Variants in PCCA observed in about 807,000 individuals in gnomAD.
PCCA encodes propionyl-CoA carboxylase alpha chain, mitochondrial.
PCCA carries 74 observed loss-of-function variants against 101.3 expected under a neutral mutation model. That is an observed-to-expected ratio of 0.73 (90% CI 0.61 to 0.89). The LOEUF (loss-of-function observed/expected upper bound fraction) is 0.89. PCCA is among the 40% of genes least tolerant of loss of function. The pLI, the probability that PCCA is intolerant of heterozygous loss-of-function variation, is 0.00. For synonymous variants in PCCA, 294 were observed against 313.6 expected (o/e 0.94, Z 0.66); for missense variants, 891 against 907.0 (o/e 0.98, Z 0.23).
chr13:100,390,389 C>G (rs2152839511), intron 19 of PCCA, among the ~76,000 whole-genome samples: 1 of 152,238 alleles, frequency 6.6e-6, no homozygotes, highest in Non-Finnish European at 1.5e-5. Flanking sequence ...GGAGATGTTT[C>G]CTGGGTCATT....
chr13:100,146,441 G>A (rs2052575956), intron 4 of PCCA, among the ~76,000 whole-genome samples: 1 of 151,780 alleles, frequency 6.6e-6, no homozygotes, highest in Admixed American at 6.6e-5. Context: ...CAGGTGTTGT[G>A]GCACATGCCT....
At chr13:100,302,554 G>A (rs1371768042) in intron 13 of PCCA, among the ~76,000 whole-genome samples, 1 of 151,890 alleles carries the variant, frequency 6.6e-6, no homozygotes, top group Non-Finnish European at 1.5e-5. Flanking sequence ...GTTTTGAGAA[G>A]TAAGAAAAAC....
intron 9 of PCCA, among the ~76,000 whole-genome samples, chr13:100,260,067 G>C (rs1206770275): frequency 6.6e-6 from 1 of 152,064 alleles, no homozygotes; most frequent in Non-Finnish European, 1.5e-5. Context: ...TCATTATAGT[G>C]GAGGCAAACT....
At chr13:100,495,207 C>A (rs1370008471) in intron 21 of PCCA, among the ~76,000 whole-genome samples, 1 of 152,182 alleles carries the variant, frequency 6.6e-6, no homozygotes, top group Non-Finnish European at 1.5e-5. Flanking sequence ...CTTTCGGCTG[C>A]TGTTGGGAAA....
chr13:100,426,560 C>T (rs1429867850), intron 20 of PCCA, among the ~76,000 whole-genome samples: 1 of 152,124 alleles, frequency 6.6e-6, no homozygotes, highest in Non-Finnish European at 1.5e-5. Context: ...TGATTCTTAT[C>T]TACCTCTATG....
At chr13:100,446,569 GTAGATGGATGAT>G (rs2080847850) in intron 20 of PCCA, among the ~76,000 whole-genome samples, 1 of 152,194 alleles carries the variant, frequency 6.6e-6, no homozygotes, top group Non-Finnish European at 1.5e-5. Flanking sequence ...CAGTTGAGAG[GTAGATGGATGAT>G]TAGATGGATG....
At chr13:100,366,959 ACT>A (rs2075224550) in intron 18 of PCCA, among the ~76,000 whole-genome samples, 1 of 151,906 alleles carries the variant, frequency 6.6e-6, no homozygotes. Context: ...AGTTTTTGTG[ACT>A]CTGATTTTTT....
intron 7 of PCCA, among the ~76,000 whole-genome samples, chr13:100,230,402 G>A (rs1431004598): frequency 1.3e-5 from 2 of 151,982 alleles, no homozygotes; most frequent in East Asian, 1.9e-4. Context: ...AAAATTAGCC[G>A]GGTGTGGTGG....
chr13:100,387,240 C>T (rs949208684), intron 19 of PCCA, among the ~76,000 whole-genome samples: 3 of 152,172 alleles, frequency 2.0e-5, no homozygotes, highest in African/African-American at 7.2e-5. Flanking sequence ...AAAGAAAGAG[C>T]AGTAACATAG....
chr13:100,255,341 G>T (rs2062008565), intron 8 of PCCA, among the ~76,000 whole-genome samples: 1 of 152,174 alleles, frequency 6.6e-6, no homozygotes, highest in African/African-American at 2.4e-5. Flanking sequence ...TCCCCAGCTT[G>T]TTCCTTGTGA....
Position 100,181,382 on chromosome 13 carries a change from G to C in PCCA, c.468+24042G>C, listed in dbSNP as rs191311483. ...TAGGGCACAGAACTTGCCTTTCCAG[G>C]AAACTCATTTACAGGTATTGGGTTT... On this transcript the variant is annotated intron_variant, in intron 6 of 23. Transcript: ENST00000376285. Among the ~76,000 whole-genome samples the C allele has an allele frequency of 3.3e-5, 5 of 152,254 alleles. No individual in the cohort carries two copies. In the East Asian group the frequency reaches 7.7e-4, roughly 23 times the overall value.
intron 6 of PCCA, among the ~76,000 whole-genome samples, chr13:100,175,926 C>T (rs571682643): frequency 2.0e-5 from 3 of 152,176 alleles, no homozygotes; most frequent in African/African-American, 7.2e-5. Context: ...AGTGAAAATA[C>T]TCTGTGTTAG....
At chr13:100,444,816 G>A (rs1022432439) in intron 20 of PCCA, among the ~76,000 whole-genome samples, 1 of 151,938 alleles carries the variant, frequency 6.6e-6, no homozygotes, top group Non-Finnish European at 1.5e-5. Context: ...GTGAGCCACC[G>A]TTCCCAGCTG....
intron 6 of PCCA, among the ~76,000 whole-genome samples, chr13:100,168,425 G>A (rs555563347): frequency 3.9e-5 from 6 of 152,296 alleles, no homozygotes; most frequent in African/African-American, 1.4e-4. Context: ...GACTACCCTT[G>A]GAAGGAGGAA....
intron 16 of PCCA, among the ~76,000 whole-genome samples, chr13:100,324,552 G>T (rs58265072): frequency 0.16 from 25,003 of 152,068 alleles, 3,207 homozygotes; most frequent in African/African-American, 0.35. Flanking sequence ...TTCATCATTT[G>T]CTATTATAAA....
In PCCA at chr13:100,216,383, G is replaced by A. The variant is rs114682525; in HGVS notation, c.600+6920G>A. On this transcript the variant is annotated intron_variant, in intron 7 of 23. Transcript: ENST00000376285. Reference sequence around the variant, plus strand: ...TAAGGTAAAAAAAGATAATGGTGTAGTAGGGAGCTTAGATTTTTAGGGCCT... The same window carrying A: ...TAAGGTAAAAAAAGATAATGGTGTAATAGGGAGCTTAGATTTTTAGGGCCT... Among the ~76,000 whole-genome samples, 866 of 152,346 alleles carry A rather than the reference G, an allele frequency of 5.7e-3. 8 individuals carry two copies. Among genetic ancestry groups the A allele is most frequent in the African/African-American group, 0.02 (814 of 41,584 alleles).
intron 20 of PCCA, among the ~76,000 whole-genome samples, chr13:100,446,081 C>G (rs986756654): frequency 6.6e-6 from 1 of 151,998 alleles, no homozygotes; most frequent in African/African-American, 2.4e-5. Context: ...GCTGTGGTGC[C>G]CAGGCTGGAG....
At position 100,277,618 on chromosome 13, in the gene PCCA, A is replaced by G. The variant is rs372700687; in HGVS notation, c.1065+4272A>G. On this transcript the variant is annotated intron_variant, in intron 12 of 23. Coordinates refer to ENST00000376285, the MANE Select transcript of PCCA (RefSeq NM_000282.4). The stretch of plus-strand genomic sequence containing the variant: ...CCAAAAGCAGTGAGCGGGCAGTGGA[A>G]TGACAGTCTGTGCCTCACTGCTATC... Among the ~76,000 whole-genome samples, 6 of 152,310 alleles carry G rather than the reference A, an allele frequency of 3.9e-5. No homozygotes were observed. In the East Asian group the frequency reaches 9.7e-4, roughly 25 times the overall value.
chr13:100,346,906 C>T (rs1255547424), intron 18 of PCCA, among the ~76,000 whole-genome samples: 2 of 151,886 alleles, frequency 1.3e-5, no homozygotes, highest in South Asian at 2.1e-4. Context: ...TGGAGTCTCG[C>T]TCTGTCGCCC....
Sources: gnomAD v4.1 joint callset for allele counts (sites outside exome capture counted in the v4.1 genomes callset) on GRCh38, gnomAD v4.1.1 for gene constraint, MANE v1.5 for transcripts, NCBI Gene and HGNC (gene_info 2026-07-23, HGNC 2026-07-21) for gene names.